Variants in DNAAF11 observed in about 807,000 individuals in gnomAD.
DNAAF11 encodes dynein axonemal assembly factor 11, also known as leucine rich repeat containing 6.
Under a neutral mutation model 60.8 loss-of-function variants are expected in DNAAF11, and 45 were observed. That is an observed-to-expected ratio of 0.74 (90% confidence interval 0.58 to 0.95). The LOEUF is 0.95. Among genes scored for constraint, DNAAF11 ranks in the 40% least tolerant of loss-of-function variants. The pLI, the probability that DNAAF11 is intolerant of heterozygous loss-of-function variation, is 0.00. For synonymous variants in DNAAF11, 191 were observed against 183.5 expected (o/e 1.04, Z -0.33); for missense variants, 546 against 546.2 (o/e 1.00, Z 0.00).
intron 10 of DNAAF11, among the ~76,000 whole-genome samples, chr8:132,592,094 C>T (rs373797093): frequency 3.3e-5 from 5 of 152,080 alleles, no homozygotes; most frequent in African/African-American, 9.7e-5. Flanking sequence ...ATAAAATATG[C>T]ATTTATGTAT....
intron 10 of DNAAF11, among the ~76,000 whole-genome samples, chr8:132,599,248 C>T (rs1375282463): frequency 2.6e-5 from 4 of 152,112 alleles, no homozygotes; most frequent in African/African-American, 9.7e-5. Flanking sequence ...CCTGAATGGA[C>T]CAATAACAGG....
upstream of DNAAF11, chr8:132,675,663 G>T: frequency 8.4e-6 from 5 of 592,158 alleles, no homozygotes; most frequent in South Asian, 1.4e-4. Context: ...CCTGAGCTCC[G>T]CGGAGCAAGC....
chr8:132,701,774 C>G, the DNAAF11 span, among the ~76,000 whole-genome samples: 1 of 152,170 alleles, frequency 6.6e-6, no homozygotes, highest in Non-Finnish European at 1.5e-5. Flanking sequence ...ATGGCACTTC[C>G]CTTACAATAA....
At position 132,675,140 on chromosome 8, in the gene DNAAF11, G is replaced by A. The variant is rs768843002; in HGVS notation, c.10+344C>T. 9.2e-4 allele frequency: 296 copies of A among 321,718 alleles called. 5 individuals are homozygous for A. The highest frequency in any genetic ancestry group is 1.6e-3 in the Middle Eastern group (2 of 1,238). The allele number at this position is 321,718 out of a possible 1,614,324, so 19.9% of individuals were successfully genotyped here. On this transcript the variant is annotated intron_variant, in intron 1 of 11. Transcript: ENST00000620350. Reference sequence around the variant, plus strand: ...CTGGCCCACGTTCACAGCCAGTAAGGAGCCACTTGGCCGGAACGTGGTGTG... The same window carrying A: ...CTGGCCCACGTTCACAGCCAGTAAGAAGCCACTTGGCCGGAACGTGGTGTG...
At chr8:132,587,568 T>C (rs1816031768) in intron 10 of DNAAF11, among the ~76,000 whole-genome samples, 1 of 152,194 alleles carries the variant, frequency 6.6e-6, no homozygotes, top group Non-Finnish European at 1.5e-5. Context: ...TTGGTCTTCC[T>C]CCAGGAAGCA....
the DNAAF11 span, among the ~76,000 whole-genome samples, chr8:132,691,953 C>CA: frequency 6.6e-6 from 1 of 152,128 alleles, no homozygotes. Flanking sequence ...TGATCCATAT[C>CA]AAAATGTTTG....
At chr8:132,643,222 G>C (rs1050289646) in intron 3 of DNAAF11, among the ~76,000 whole-genome samples, 1 of 152,224 alleles carries the variant, frequency 6.6e-6, no homozygotes, top group Non-Finnish European at 1.5e-5. Context: ...CTGTGCTAGA[G>C]AGTCTCTTTG....
At chr8:132,591,409 A>C (rs181435420) in intron 10 of DNAAF11, among the ~76,000 whole-genome samples, 2 of 151,852 alleles carry the variant, frequency 1.3e-5, no homozygotes, top group East Asian at 3.9e-4. Flanking sequence ...AAAAATAAAT[A>C]AGCCATAAAA....
intron 10 of DNAAF11, among the ~76,000 whole-genome samples, chr8:132,609,215 T>TA (rs57948817): frequency 0.071 from 10,742 of 152,066 alleles, 1,026 homozygotes; most frequent in African/African-American, 0.22. Flanking sequence ...AAGTCTCCAA[T>TA]AAAAAATGGC....
chr8:132,583,019 C>T (rs1231433425), intron 11 of DNAAF11, among the ~76,000 whole-genome samples: 1 of 152,080 alleles, frequency 6.6e-6, no homozygotes, highest in Non-Finnish European at 1.5e-5. Flanking sequence ...AGAGCCTGGA[C>T]CTTCATTTAG....
intron 11 of DNAAF11, 34 bp from the exon 12 acceptor site, chr8:132,572,514 T>G (rs758219435): frequency 6.8e-7 from 1 of 1,481,166 alleles, no homozygotes; most frequent in Non-Finnish European, 9.2e-7. Flanking sequence ...CAGAAACTGA[T>G]ACTACATCAT....
chr8:132,625,320 T>C lies in DNAAF11; in HGVS notation c.788A>G (p.Glu263Gly), dbSNP rs1820146136. 1.2e-6 allele frequency: 2 copies of C among 1,612,960 alleles called. No homozygotes were observed. Among genetic ancestry groups the C allele is most frequent in the Non-Finnish European group, 1.7e-6 (2 of 1,179,504 alleles). The change falls in exon 6 of 12, where the codon GAA becomes GGA. Residue 263 changes from glutamate (E) to glycine (G), a missense_variant. Transcript: ENST00000620350. ...PCLFTPESRL[E>G]TLRHMEKQRK... ...TTGTTTTTCCATGTGTCTAAGAGTT[T>C]CCAATCTTGATTCAGGAGTAAACAA...
At chr8:132,592,995 T>C (rs1192016100) in intron 10 of DNAAF11, among the ~76,000 whole-genome samples, 1 of 151,762 alleles carries the variant, frequency 6.6e-6, no homozygotes, top group African/African-American at 2.4e-5. Flanking sequence ...GCCAATTCAA[T>C]GGATAAGATC....
At chr8:132,653,698 T>C (rs1410987638) in intron 3 of DNAAF11, among the ~76,000 whole-genome samples, 1 of 152,066 alleles carries the variant, frequency 6.6e-6, no homozygotes, top group Non-Finnish European at 1.5e-5. Context: ...TTGGTATGAA[T>C]TTGAACTAGA....
intron 7 of DNAAF11, among the ~76,000 whole-genome samples, chr8:132,616,479 G>A (rs776505564): frequency 3.9e-5 from 6 of 152,052 alleles, no homozygotes; most frequent in African/African-American, 7.2e-5. Context: ...TGATAATATC[G>A]AAGGAAGAGT....
intron 5 of DNAAF11, among the ~76,000 whole-genome samples, chr8:132,626,057 C>CTT (rs369174674): frequency 4.7e-5 from 7 of 148,146 alleles, no homozygotes; most frequent in African/African-American, 1.5e-4. Flanking sequence ...TCTTTTTTTT[C>CTT]TTTTTTTTTT....
chr8:132,648,892 T>C (rs1822695142), intron 3 of DNAAF11, among the ~76,000 whole-genome samples: 1 of 152,212 alleles, frequency 6.6e-6, no homozygotes, highest in African/African-American at 2.4e-5. Flanking sequence ...CATTCCATGC[T>C]CATGGATAGG....
At chr8:132,634,080 T>C (rs544351750) in intron 4 of DNAAF11, among the ~76,000 whole-genome samples, 2 of 152,200 alleles carry the variant, frequency 1.3e-5, no homozygotes, top group East Asian at 3.9e-4. Context: ...TAGTCAAATA[T>C]AAATTAAAAA....
chr8:132,675,301 G>T, intron 1 of DNAAF11, 183 bp downstream of exon 1: 1 of 576,178 alleles, frequency 1.7e-6, no homozygotes, highest in Non-Finnish European at 3.1e-6. Context: ...AGGCTGTCCG[G>T]CCAGTCTGCA....
Sources: allele counts gnomAD v4.1 joint callset (sites outside exome capture counted in the v4.1 genomes callset), GRCh38; gene constraint gnomAD v4.1.1; transcripts MANE v1.5; gene names NCBI Gene and HGNC (gene_info 2026-07-23, HGNC 2026-07-21).